The following PTPRM variants were observed in gnomAD, a reference collection of about 807,000 sequenced individuals.
PTPRM encodes the protein protein tyrosine phosphatase receptor type M.
PTPRM carries 47 observed loss-of-function variants against 186.7 expected under a neutral mutation model. The ratio of observed to expected loss-of-function variants is 0.25; its 90% CI spans 0.20 to 0.32. The LOEUF (loss-of-function observed/expected upper bound fraction) is 0.32, where lower values mean the gene tolerates loss of function less well. Ranked by LOEUF, PTPRM falls within the 10% of genes least tolerant of loss-of-function variation. The pLI is 1.00. For synonymous variants in PTPRM, 668 were observed against 674.9 expected, an observed-to-expected ratio of 0.99 and a Z score of 0.16; for missense variants, 1,494 against 1,865.0, an observed-to-expected ratio of 0.80 and a Z score of 3.66.
chr18:7,986,872 G>T (rs1599882327), intron 7 of PTPRM, among the ~76,000 whole-genome samples: 3 of 152,036 alleles, frequency 2.0e-5, no homozygotes, highest in Admixed American at 2.0e-4. Context: ...CATTATGAAT[G>T]GTGTCTTTGT....
At chr18:8,357,461 C>T (rs759362080) in intron 23 of PTPRM, among the ~76,000 whole-genome samples, 2 of 152,186 alleles carry the variant, frequency 1.3e-5, no homozygotes, top group African/African-American at 2.4e-5. Flanking sequence ...CAGTCGCACC[C>T]GGTGAGCACA....
At chr18:7,605,759 G>A (rs2037516614) in intron 1 of PTPRM, among the ~76,000 whole-genome samples, 1 of 152,198 alleles carries the variant, frequency 6.6e-6, no homozygotes. Flanking sequence ...GTCTGAGGCT[G>A]TGGTAGTGAT....
At chr18:7,690,143 T>C (rs766736279) in intron 1 of PTPRM, among the ~76,000 whole-genome samples, 1 of 152,214 alleles carries the variant, frequency 6.6e-6, no homozygotes, top group Non-Finnish European at 1.5e-5. Flanking sequence ...GATCTGTATA[T>C]CATCAAAGCT....
chr18:7,837,283 A>G (rs1277681422), intron 2 of PTPRM, among the ~76,000 whole-genome samples: 2 of 152,138 alleles, frequency 1.3e-5, no homozygotes, highest in African/African-American at 4.8e-5. Flanking sequence ...TGCCTGACCT[A>G]TTCTACTATC....
chr18:8,056,305 T>C (rs1234832361), intron 7 of PTPRM, among the ~76,000 whole-genome samples: 1 of 152,170 alleles, frequency 6.6e-6, no homozygotes, highest in East Asian at 1.9e-4. Context: ...CTATTTGAAA[T>C]ACTATGCCAA....
At position 8,394,611 on chromosome 18, in the gene PTPRM, G is replaced by A. The variant is rs1452193813; in HGVS notation, c.4344G>A (p.Leu1448=). 1 of 1,608,958 alleles carries A rather than the reference G, an allele frequency of 6.2e-7. No individual in the cohort carries two copies. Among genetic ancestry groups the A allele is most frequent in the Admixed American group, 1.7e-5 (1 of 59,484 alleles). ...ACAAGCCCAACATGGTCGACCTCCTGGTAGGACACCCCCTCTGAGCTGTTC... is the reference window on the plus strand; with the variant it reads ...ACAAGCCCAACATGGTCGACCTCCTAGTAGGACACCCCCTCTGAGCTGTTC... ...RNNKPNMVDL[L]DQYKFCYEVA... Residue 1448 remains leucine (L), a splice_region_variant and synonymous_variant, in exon 32 of 33, where the codon CTG becomes CTA. Transcript: ENST00000580170.
At chr18:8,027,024 A>C (rs2085614835) in intron 7 of PTPRM, among the ~76,000 whole-genome samples, 1 of 152,226 alleles carries the variant, frequency 6.6e-6, no homozygotes, top group African/African-American at 2.4e-5. Flanking sequence ...GATATTGGAT[A>C]CCCAAGTTAT....
At chr18:7,772,369 T>TTCTTTCTTTCTTTCTTTC (rs1568108298) in intron 1 of PTPRM, among the ~76,000 whole-genome samples, 17 of 100,280 alleles carry the variant, frequency 1.7e-4, no homozygotes, top group African/African-American at 4.9e-4. Flanking sequence ...CTTTCTTTCT[T>TTCTTTCTTTCTTTCTTTC]TCTTTCTTTC....
At chr18:8,393,445 T>C (rs1208081091) in intron 31 of PTPRM, among the ~76,000 whole-genome samples, 1 of 152,148 alleles carries the variant, frequency 6.6e-6, no homozygotes, top group Non-Finnish European at 1.5e-5. Context: ...TTCAAAAGTG[T>C]CAAGGTCAGG....
At chr18:7,682,349 C>G (rs1282970018) in intron 1 of PTPRM, among the ~76,000 whole-genome samples, 11 of 152,330 alleles carry the variant, frequency 7.2e-5, no homozygotes, top group Non-Finnish European at 1.5e-5. Flanking sequence ...AACATACTAA[C>G]TGGCAATTTT....
intron 1 of PTPRM, among the ~76,000 whole-genome samples, chr18:7,584,592 T>C (rs149995418): frequency 1.5e-3 from 233 of 152,264 alleles, no homozygotes; most frequent in African/African-American, 5.3e-3. Context: ...CTTGGGATGC[T>C]TTCTGAATAC....
chr18:8,012,741 T>C (rs1031543315), intron 7 of PTPRM, among the ~76,000 whole-genome samples: 2 of 152,256 alleles, frequency 1.3e-5, no homozygotes, highest in Non-Finnish European at 2.9e-5. Context: ...TTCATTATTA[T>C]ACAGCACATG....
chr18:8,147,384 C>T (rs2092909859), intron 14 of PTPRM, among the ~76,000 whole-genome samples: 1 of 152,054 alleles, frequency 6.6e-6, no homozygotes, highest in Admixed American at 6.6e-5. Flanking sequence ...AATTGTATTC[C>T]TAGATATTTT....
chr18:7,635,907 A>G (rs974048763), intron 1 of PTPRM, among the ~76,000 whole-genome samples: 1 of 152,224 alleles, frequency 6.6e-6, no homozygotes, highest in African/African-American at 2.4e-5. Flanking sequence ...GCCCACTTCC[A>G]CTACATTTGA....
At position 7,842,283 on chromosome 18, in the gene PTPRM, G is replaced by T. The variant is rs1007693778; in HGVS notation, c.197-45823G>T. ...AGCCAGGGCTGTTCTGGGCAAAATG[G>T]TTGTCACCCCGATAATAACTAACAT... On this transcript the variant is annotated intron_variant, in intron 2 of 32. Coordinates refer to ENST00000580170, the MANE Select transcript of PTPRM (RefSeq NM_001105244.2). Among the ~76,000 whole-genome samples, 5 of 152,168 alleles carry T rather than the reference G, an allele frequency of 3.3e-5. No homozygotes were observed. The South Asian group carries it at 8.3e-4, about 25-fold the overall frequency.
At chr18:7,798,401 C>T (rs527665682) in intron 2 of PTPRM, among the ~76,000 whole-genome samples, 7 of 151,884 alleles carry the variant, frequency 4.6e-5, no homozygotes, top group Admixed American at 2.0e-4. Flanking sequence ...TGGTGGCAGG[C>T]GCCTGTAATT....
In PTPRM at chr18:8,203,577, A is replaced by G. The variant is rs188440842; in HGVS notation, c.2301-40481A>G. The stretch of plus-strand genomic sequence containing the variant: ...TATATTAGATAATATTTTTGTATCA[A>G]TGTTGTATTTCTTGAGAGTAGTAAT... On this transcript the variant is annotated intron_variant, in intron 14 of 32. Transcript: ENST00000580170. 6.6e-3 allele frequency among the ~76,000 whole-genome samples: 1,008 copies of G among 152,336 alleles called. 6 individuals are homozygous for G. The highest frequency in any genetic ancestry group is 9.3e-3 in the Non-Finnish European group (630 of 68,030).
intron 7 of PTPRM, among the ~76,000 whole-genome samples, chr18:8,014,426 C>T (rs1031206674): frequency 6.6e-6 from 1 of 152,050 alleles, no homozygotes; most frequent in Non-Finnish European, 1.5e-5. Context: ...AAAAGTACAT[C>T]CTTTCTGTCT....
intron 23 of PTPRM, among the ~76,000 whole-genome samples, chr18:8,355,034 CAG>C (rs1436528301): frequency 1.2e-4 from 18 of 152,154 alleles, no homozygotes; most frequent in African/African-American, 3.6e-4. Context: ...GGAAAAGTGA[CAG>C]AGGAAAATCA....
Sources: allele counts gnomAD v4.1 joint callset (sites outside exome capture counted in the v4.1 genomes callset), GRCh38; gene constraint gnomAD v4.1.1; transcripts MANE v1.5; gene names NCBI Gene and HGNC (gene_info 2026-07-23, HGNC 2026-07-21).